The following DIAPH2 variants were observed in gnomAD, a reference collection of about 807,000 sequenced individuals.
DIAPH2 encodes the protein diaphanous related formin 2.
Under a neutral mutation model 92.7 loss-of-function variants are expected in DIAPH2, and 35 were observed. That is an observed-to-expected ratio of 0.38 (90% CI 0.29 to 0.50). DIAPH2 has a LOEUF of 0.50. DIAPH2 is among the 20% of genes least tolerant of loss of function. The pLI is 0.94. For missense variants in DIAPH2, 701 were observed against 819.5 expected (o/e 0.86, Z 1.77); for synonymous variants, 301 against 280.4 (o/e 1.07, Z -0.73).
chrX:96,695,176 C>T (rs760350289), intron 1 of DIAPH2, among the ~76,000 whole-genome samples: 9 of 111,882 alleles, frequency 8.0e-5, no homozygotes, highest in Admixed American at 3.8e-4. Flanking sequence ...GTCCTGAACT[C>T]CTGGCCTCAA....
At chrX:96,727,242 C>T (rs1420765137) in intron 1 of DIAPH2, among the ~76,000 whole-genome samples, 1 of 112,143 alleles carries the variant, frequency 8.9e-6, no homozygotes, top group Non-Finnish European at 1.9e-5. Flanking sequence ...AGTTCCAAGA[C>T]GTGTTTGGCT....
intron 23 of DIAPH2, among the ~76,000 whole-genome samples, chrX:97,248,891 TA>T (rs1375979011): frequency 8.9e-6 from 1 of 111,813 alleles, no homozygotes; most frequent in Non-Finnish European, 1.9e-5. Flanking sequence ...CATTAATGAA[TA>T]CTGTGTTTTG....
intron 23 of DIAPH2, among the ~76,000 whole-genome samples, chrX:97,308,861 A>C (rs1415139108): frequency 1.9e-5 from 2 of 104,550 alleles, no homozygotes; most frequent in African/African-American, 6.9e-5. Context: ...CTTTACTAAA[A>C]ATTCAAAATT....
chrX:96,953,420 A>G (rs1218630914), intron 15 of DIAPH2, among the ~76,000 whole-genome samples: 1 of 111,493 alleles, frequency 9.0e-6, no homozygotes, highest in Non-Finnish European at 1.9e-5. Context: ...ACAAATTCCT[A>G]TTTCTGCAGT....
chrX:97,567,483 A>G (rs2071335518), intron 26 of DIAPH2, among the ~76,000 whole-genome samples: 1 of 112,296 alleles, frequency 8.9e-6, no homozygotes, highest in Non-Finnish European at 1.9e-5. Context: ...ATTTATATGC[A>G]GCTAATATGC....
intron 26 of DIAPH2, among the ~76,000 whole-genome samples, chrX:97,458,184 G>A (rs1165549218): frequency 9.0e-6 from 1 of 111,011 alleles, no homozygotes; most frequent in African/African-American, 3.3e-5. Flanking sequence ...CAAGGGGTTG[G>A]GATAATTGGG....
At chrX:96,964,649 A>G (rs1249239283) in intron 16 of DIAPH2, among the ~76,000 whole-genome samples, 1 of 111,658 alleles carries the variant, frequency 9.0e-6, no homozygotes, top group East Asian at 2.8e-4. Flanking sequence ...AATATATGCA[A>G]ATAACTTAAG....
intron 4 of DIAPH2, among the ~76,000 whole-genome samples, chrX:96,844,440 C>G (rs2064957613): frequency 8.9e-6 from 1 of 112,584 alleles, no homozygotes; most frequent in East Asian, 2.8e-4. Flanking sequence ...GTAATATTCA[C>G]TGTTATACCT....
intron 13 of DIAPH2, among the ~76,000 whole-genome samples, chrX:96,942,764 C>T (rs764463432): frequency 1.2e-4 from 13 of 111,159 alleles, no homozygotes; most frequent in Non-Finnish European, 2.5e-4. Context: ...CTGAACCTTC[C>T]CTTGTGAAAT....
chrX:97,500,431 T>C (rs2070787023), intron 26 of DIAPH2, among the ~76,000 whole-genome samples: 1 of 110,815 alleles, frequency 9.0e-6, no homozygotes, highest in Non-Finnish European at 1.9e-5. Flanking sequence ...AGAAACTTCC[T>C]AAGGAATAAT....
intron 22 of DIAPH2, among the ~76,000 whole-genome samples, chrX:97,195,809 CATT>C (rs1431477514): frequency 3.8e-5 from 4 of 103,985 alleles, no homozygotes; most frequent in African/African-American, 1.4e-4. Flanking sequence ...AAGCAAATAA[CATT>C]ATGTTGTTAA....
intron 23 of DIAPH2, among the ~76,000 whole-genome samples, chrX:97,329,911 C>T (rs932007989): frequency 9.6e-6 from 1 of 104,469 alleles, no homozygotes; most frequent in Non-Finnish European, 2.0e-5. Context: ...CACACACACA[C>T]ACACACACAC....
At chrX:96,884,837 C>A in intron 5 of DIAPH2, 1 of 1,211,455 alleles carries the variant, frequency 8.3e-7, no homozygotes, top group Non-Finnish European at 1.1e-6. Flanking sequence ...CGTGATACCA[C>A]TGTAGAAAGT....
chrX:97,411,331 T>C (rs2069870459), intron 25 of DIAPH2, among the ~76,000 whole-genome samples: 1 of 111,536 alleles, frequency 9.0e-6, no homozygotes, highest in South Asian at 3.7e-4. Context: ...ACAAATAAAA[T>C]CCTTTACAGA....
At chrX:97,063,338 A>ATG (rs1272085530) in intron 17 of DIAPH2, among the ~76,000 whole-genome samples, 2 of 111,812 alleles carry the variant, frequency 1.8e-5, no homozygotes, top group African/African-American at 6.5e-5. Flanking sequence ...AGTCTGATTT[A>ATG]TGTGTGTGTG....
chrX:97,098,015 C>CTCAT (rs2066880826), intron 19 of DIAPH2, among the ~76,000 whole-genome samples: 1 of 111,014 alleles, frequency 9.0e-6, no homozygotes, highest in Non-Finnish European at 1.9e-5. Context: ...AAACTTGGGT[C>CTCAT]TCATTAATTA....
At chrX:97,553,854 G>T (rs960171162) in intron 26 of DIAPH2, among the ~76,000 whole-genome samples, 1 of 110,687 alleles carries the variant, frequency 9.0e-6, no homozygotes, top group African/African-American at 3.3e-5. Flanking sequence ...TCACTATCAG[G>T]CTTGATGTGA....
intron 15 of DIAPH2, among the ~76,000 whole-genome samples, chrX:96,949,846 C>T (rs1022710057): frequency 1.3e-4 from 13 of 98,816 alleles, no homozygotes; most frequent in Admixed American, 9.1e-4. Flanking sequence ...GGTGACAGAG[C>T]GAGACTCCGT....
At chrX:97,187,256 A>G (rs2147474654) in intron 22 of DIAPH2, among the ~76,000 whole-genome samples, 1 of 93,801 alleles carries the variant, frequency 1.1e-5, no homozygotes, top group South Asian at 6.4e-4. Context: ...GTAGGGATTT[A>G]GGGATTGAAG....
Sources: gnomAD v4.1 joint callset for allele counts (sites outside exome capture counted in the v4.1 genomes callset) on GRCh38, gnomAD v4.1.1 for gene constraint, MANE v1.5 for transcripts, NCBI Gene and HGNC (gene_info 2026-07-23, HGNC 2026-07-21) for gene names.